The following ZNF528 variants were observed in gnomAD, a reference collection of about 807,000 sequenced individuals.
ZNF528 encodes the protein zinc finger protein 528.
A neutral mutation model predicts 13.3 loss-of-function variants in ZNF528; 9 were observed. The observed-to-expected ratio is 0.67, with a 90% CI of 0.41 to 1.18. The LOEUF (loss-of-function observed/expected upper bound fraction) is 1.18, where lower values mean the gene tolerates loss of function less well. Among genes scored for constraint, ZNF528 ranks in the 50% most tolerant of loss-of-function variants. The pLI is 0.01. For synonymous variants in ZNF528, 264 were observed against 254.3 expected (o/e 1.04, Z -0.36); for missense variants, 858 against 745.4 (o/e 1.15, Z -1.76).
Position 52,416,750 on chromosome 19 carries a change from A to G in ZNF528, c.*11A>G, listed in dbSNP as rs1259448721. 2.0e-6 allele frequency: 3 copies of G among 1,491,814 alleles called. No individual in the cohort carries two copies. Among genetic ancestry groups the G allele is most frequent in the Non-Finnish European group, 2.7e-6 (3 of 1,110,688 alleles). The allele number at this position is 1,491,814 out of a possible 1,614,324, so 92.4% of individuals were successfully genotyped here. A position where few individuals can be genotyped will look rare whatever the true frequency, so the allele number is the denominator to read the frequency against. On this transcript the variant is annotated 3_prime_UTR_variant, in exon 7 of 7. Transcript: ENST00000360465. ...AGAGTTCATTCATGAGAGTCCCTAC[A>G]AACTGTATGGCAAAACCATCATCAT...
chr19:52,405,902 T>C lies in ZNF528; in HGVS notation c.16-5T>C. On this transcript the variant is annotated splice_polypyrimidine_tract_variant and splice_region_variant and intron_variant, in intron 4 of 6. Coordinates refer to ENST00000360465, the MANE Select transcript of ZNF528 (RefSeq NM_032423.3). ...CTTGTTGCTGAAATGTGGATTTTCT[T>C]TCAGGGACCCTTGAAATTCATGGAT... 6.2e-7 allele frequency: 1 copy of C among 1,609,106 alleles called. No individual in the cohort carries two copies. Among genetic ancestry groups the C allele is most frequent in the Non-Finnish European group, 8.5e-7 (1 of 1,176,608 alleles).
chr19:52,407,257 G>A (rs2058869435), intron 6 of ZNF528, among the ~76,000 whole-genome samples: 1 of 151,928 alleles, frequency 6.6e-6, no homozygotes, highest in Non-Finnish European at 1.5e-5. Context: ...TCCCACCTCA[G>A]CCTCCTGAAT....
rs190457519 is a variant in ZNF528 at position 52,416,519 on chromosome 19, A to G, written c.1667A>G (p.Lys556Arg). The G allele has an allele frequency of 1.2e-4, 195 of 1,614,152 alleles. No homozygotes were observed. The highest frequency in any genetic ancestry group is 1.5e-4 in the Non-Finnish European group (178 of 1,180,028). Residue 556 changes from lysine (K) to arginine (R), a missense_variant, in exon 7 of 7, where the codon AAA becomes AGA. Coordinates refer to ENST00000360465, the MANE Select transcript of ZNF528 (RefSeq NM_032423.3). ...CCTTACAGATGTAGTAAATGTGGCA[A>G]AGCATTTCGAGGGTGTTCAGGCCTT... ...ERPYRCSKCG[K>R]AFRGCSGLTA...
intron 4 of ZNF528, among the ~76,000 whole-genome samples, chr19:52,403,980 C>A (rs993810214): frequency 1.3e-5 from 2 of 151,708 alleles, no homozygotes; most frequent in Admixed American, 6.6e-5. Flanking sequence ...ATATAATGAC[C>A]TTTTAGGCAG....
intron 3 of ZNF528, 84 bp downstream of exon 3, chr19:52,401,837 T>C: frequency 3.3e-6 from 5 of 1,527,824 alleles, no homozygotes; most frequent in Non-Finnish European, 4.4e-6. Flanking sequence ...ATGTAGAAAG[T>C]CAAAGTTTGA....
At chr19:52,399,286 CAT>C (rs1341337046) in intron 2 of ZNF528, among the ~76,000 whole-genome samples, 2 of 152,144 alleles carry the variant, frequency 1.3e-5, no homozygotes, top group African/African-American at 2.4e-5. Context: ...TGAATTGTGA[CAT>C]ATTAATTTTT....
intron 4 of ZNF528, 25 bp downstream of exon 4, chr19:52,402,053 G>A (rs972702781): frequency 1.2e-6 from 2 of 1,614,020 alleles, no homozygotes; most frequent in Admixed American, 1.7e-5. Context: ...TCAGTGGATT[G>A]TTCTGTCTCT....
In ZNF528 at chr19:52,406,035, TGAG is replaced by T; in HGVS notation, c.142+5_142+7del. The T allele has an allele frequency of 6.2e-7, 1 of 1,609,498 alleles. No individual in the cohort carries two copies. The highest frequency in any genetic ancestry group is 8.5e-7 in the Non-Finnish European group (1 of 1,177,074). On this transcript the variant is annotated splice_donor_5th_base_variant and intron_variant, in intron 5 of 6. Coordinates refer to ENST00000360465, the MANE Select transcript of ZNF528 (RefSeq NM_032423.3). Reference sequence around the variant, plus strand: ...ATTATAGGAACCTGGTCTCCCTGGGTGAGGATAATGTCCCCTCAGAAGCCGGGA... The same window carrying T: ...ATTATAGGAACCTGGTCTCCCTGGGTGATAATGTCCCCTCAGAAGCCGGGA...
chr19:52,413,485 A>C (rs1284948799), intron 6 of ZNF528: 1 of 152,210 alleles, frequency 6.6e-6, no homozygotes, highest in African/African-American at 2.4e-5. Flanking sequence ...TTCCTTCAAC[A>C]ACTAAACTCT....
At chr19:52,399,983 A>G (rs1371348571) in intron 2 of ZNF528, among the ~76,000 whole-genome samples, 2 of 152,060 alleles carry the variant, frequency 1.3e-5, no homozygotes, top group East Asian at 3.9e-4. Flanking sequence ...TTCCTGTCTC[A>G]AACAGTAAGG....
intron 6 of ZNF528, chr19:52,414,607 CCTT>C (rs566132813): frequency 9.4e-5 from 40 of 426,634 alleles, no homozygotes; most frequent in African/African-American, 7.2e-4. Flanking sequence ...CTTCAGCAAA[CCTT>C]CTGGTGTCAG....
chr19:52,416,876 G>C lies in ZNF528; in HGVS notation c.*137G>C. The C allele has an allele frequency of 1.2e-6, 1 of 827,590 alleles. No individual in the cohort carries two copies. The highest frequency in any genetic ancestry group is 2.7e-5 in the East Asian group (1 of 37,274). 51.3% of individuals were successfully genotyped at this position (827,590 alleles called of 1,614,324 possible). A position where few individuals can be genotyped will look rare whatever the true frequency, so the allele number is the denominator to read the frequency against. On this transcript the variant is annotated 3_prime_UTR_variant, in exon 7 of 7. Coordinates refer to ENST00000360465, the MANE Select transcript of ZNF528 (RefSeq NM_032423.3). Reference sequence around the variant, plus strand: ...CTTTATCAAGGCCTGCCAAATCACTGGACATCACCACATCACTGTGGAGGA... The same window carrying C: ...CTTTATCAAGGCCTGCCAAATCACTCGACATCACCACATCACTGTGGAGGA...
intron 2 of ZNF528, among the ~76,000 whole-genome samples, chr19:52,401,201 A>T (rs1445129898): frequency 6.6e-6 from 1 of 151,798 alleles, no homozygotes; most frequent in Non-Finnish European, 1.5e-5. Flanking sequence ...CTCTGCTGGG[A>T]CATCCACAGG....
intron 6 of ZNF528, chr19:52,412,031 T>C (rs1413390510): frequency 2.0e-5 from 3 of 152,268 alleles, no homozygotes; most frequent in Admixed American, 6.5e-5. Context: ...TTACTGGATA[T>C]GACTGACACA....
intron 6 of ZNF528, among the ~76,000 whole-genome samples, chr19:52,407,804 T>C (rs1241062884): frequency 6.6e-6 from 1 of 152,112 alleles, no homozygotes; most frequent in Non-Finnish European, 1.5e-5. Context: ...TTTTTTTCTT[T>C]TGTTAATTTC....
chr19:52,411,115 G>A (rs1182371021), intron 6 of ZNF528, among the ~76,000 whole-genome samples: 1 of 152,120 alleles, frequency 6.6e-6, no homozygotes, highest in African/African-American at 2.4e-5. Flanking sequence ...GGAGTGGCCA[G>A]AAGAATATCA....
In ZNF528 at chr19:52,417,164, ACTTTACT is replaced by A. The variant is rs1352303661; in HGVS notation, c.*430_*436del. On this transcript the variant is annotated 3_prime_UTR_variant, in exon 7 of 7. Coordinates refer to ENST00000360465, the MANE Select transcript of ZNF528 (RefSeq NM_032423.3). ...TTATTTGGGGCTTATAGAAAAGGCT[ACTTTACT>A]CTTTGTGACTTCGAAATCTTTTCAT... The A allele has an allele frequency of 1.6e-5, 4 of 251,060 alleles. No individual in the cohort carries two copies. Among genetic ancestry groups the A allele is most frequent in the Admixed American group, 1.5e-4 (3 of 20,044 alleles). The allele number at this position is 251,060 out of a possible 1,614,324, so 15.6% of individuals were successfully genotyped here. A position where few individuals can be genotyped will look rare whatever the true frequency, so the allele number is the denominator to read the frequency against.
At position 52,402,045 on chromosome 19, in the gene ZNF528, A is replaced by C. The variant is rs373087802; in HGVS notation, c.15+17A>C. The C allele has an allele frequency of 2.2e-5, 35 of 1,613,330 alleles. No individual in the cohort carries two copies. The highest frequency in any genetic ancestry group is 4.4e-5 in the South Asian group (4 of 91,076). ...CTTACTCAGGTAAGGTAATGTTCTC[A>C]GTGGATTGTTCTGTCTCTGTTTCTT... is the stretch of plus-strand genomic sequence containing the variant. On this transcript the variant is annotated intron_variant, in intron 4 of 6. Coordinates refer to ENST00000360465, the MANE Select transcript of ZNF528 (RefSeq NM_032423.3).
chr19:52,407,495 G>A lies in ZNF528; in HGVS notation c.271+852G>A, dbSNP rs751657763. ...GGATCTTTAAGTTTTTATTCTTTTG[G>A]CTGGGCACGGTGGCTCATCCCTGTA... On this transcript the variant is annotated intron_variant, in intron 6 of 6. Coordinates refer to ENST00000360465, the MANE Select transcript of ZNF528 (RefSeq NM_032423.3). Among the ~76,000 whole-genome samples, 85 of 152,086 alleles carry A rather than the reference G, an allele frequency of 5.6e-4. 1 individual carries two copies. The highest frequency in any genetic ancestry group is 6.8e-3 in the Middle Eastern group (2 of 294).
Sources: allele counts gnomAD v4.1 joint callset (sites outside exome capture counted in the v4.1 genomes callset), GRCh38; gene constraint gnomAD v4.1.1; transcripts MANE v1.5; gene names NCBI Gene and HGNC (gene_info 2026-07-23, HGNC 2026-07-21).